The following KIF7 variants were observed in gnomAD, a reference collection of about 807,000 sequenced individuals.
The protein encoded by KIF7 is kinesin-like protein KIF7.
KIF7 carries 104 observed loss-of-function variants against 135.7 expected under a neutral mutation model. That is an observed-to-expected ratio of 0.77 (90% CI 0.65 to 0.90). KIF7 has a LOEUF of 0.90. Ranked by LOEUF, KIF7 falls within the 40% of genes least tolerant of loss-of-function variation. KIF7 has a pLI of 0.00. For missense variants in KIF7, 2,005 were observed against 1,839.1 expected (o/e 1.09, Z -1.65); for synonymous variants, 883 against 809.4 (o/e 1.09, Z -1.54).
chr15:89,645,632 C>A (rs1489635137), intron 8 of KIF7, among the ~76,000 whole-genome samples, 181 bp from the exon 9 acceptor site: 1 of 152,162 alleles, frequency 6.6e-6, no homozygotes, highest in Non-Finnish European at 1.5e-5. Flanking sequence ...AGGTACAGGG[C>A]AGCTGGGGGC....
At chr15:89,624,503 GTC>G, downstream of KIF7, 1 of 1,614,122 alleles carries the variant, frequency 6.2e-7, no homozygotes, top group Non-Finnish European at 8.5e-7. Context: ...ATCGTGGAGT[GTC>G]AGCCTGATGC....
Position 89,629,054 on chromosome 15 carries a change from C to T in KIF7, c.3586G>A (p.Glu1196Lys). 6.2e-7 allele frequency: 1 copy of T among 1,613,474 alleles called. No individual in the cohort carries two copies. Among genetic ancestry groups the T allele is most frequent in the Non-Finnish European group, 8.5e-7 (1 of 1,179,936 alleles). Reference protein sequence around the residue: ...YEARIQALEKELGRYMWINQE... With the variant: ...YEARIQALEKKLGRYMWINQE... ...TTTATCCACATGTAACGGCCCAGTTCCTTCTCCAGAGCTTGAATCCGGGCC... is the reference window on the plus strand; with the variant it reads ...TTTATCCACATGTAACGGCCCAGTTTCTTCTCCAGAGCTTGAATCCGGGCC... The change falls in exon 18 of 19, where the codon GAA (glutamate) becomes AAA (lysine). Residue 1196 changes from glutamate to lysine, a missense_variant. Transcript: ENST00000394412.
intron 2 of KIF7, among the ~76,000 whole-genome samples, chr15:89,651,976 C>G (rs1213473924): frequency 6.6e-6 from 1 of 152,138 alleles, no homozygotes; most frequent in Non-Finnish European, 1.5e-5. Context: ...TCTGCTGGTG[C>G]CTTCATCTTA....
At chr15:89,620,486 G>C (rs2350679) in intron 1 of KIF7, among the ~76,000 whole-genome samples, 1,624 of 152,264 alleles carry the variant, frequency 0.011, 38 homozygotes, top group African/African-American at 0.038. Flanking sequence ...GGGATTACAA[G>C]TGTGAGCCAC....
intron 1 of KIF7, 108 bp from the exon 2 acceptor site, chr15:89,653,062 T>A (rs1163908412): frequency 1.3e-5 from 12 of 904,110 alleles, no homozygotes; most frequent in Non-Finnish European, 1.9e-5. Flanking sequence ...CTTGGAGGGA[T>A]TGGGGGAGGG....
chr15:89,628,717 G>A lies in KIF7; in HGVS notation c.3734C>T (p.Ala1245Val), dbSNP rs1486955587. 2 of 1,612,956 alleles carry A rather than the reference G, an allele frequency of 1.2e-6. No individual in the cohort carries two copies. The highest frequency in any genetic ancestry group is 8.5e-7 in the Non-Finnish European group (1 of 1,179,886). The change falls in exon 19 of 19, where the codon GCA (alanine) becomes GTA (valine). Residue 1245 changes from alanine (A) to valine (V), a missense_variant. Coordinates refer to ENST00000394412, the MANE Select transcript of KIF7 (RefSeq NM_198525.3). ...APGNEDELHL[A>V]PELLWLSPLT... ...GGGGGACAGCCAGAGAAGCTCGGGT[G>A]CCAGGTGGAGCTCATCTTCATTTCC...
Position 89,633,677 on chromosome 15 carries a change from G to A in KIF7, c.2592+9C>T, listed in dbSNP as rs933104100. The A allele has an allele frequency of 4.4e-5, 70 of 1,605,786 alleles. No homozygotes were observed. Among genetic ancestry groups the A allele is most frequent in the Admixed American group, 1.8e-4 (11 of 59,922 alleles). On this transcript the variant is annotated intron_variant, in intron 12 of 18. Transcript: ENST00000394412. ...GGACAGAAGGTCCCCACCCTGCCGT[G>A]AGCCTGACCTTGACGCGGTGCTGCC...
chr15:89,635,667 T>C (rs1436379122), intron 11 of KIF7, among the ~76,000 whole-genome samples: 2 of 152,230 alleles, frequency 1.3e-5, no homozygotes, highest in South Asian at 2.1e-4. Context: ...CCAAGAAATA[T>C]GGGACTATGT....
At chr15:89,627,307 T>C (rs531958056), downstream of KIF7, 54 of 572,944 alleles carry the variant, frequency 9.4e-5, 1 homozygote, top group Non-Finnish European at 1.5e-4. Context: ...GGCAATGTGA[T>C]TGGTGCTATA....
chr15:89,653,753 AGT>A (rs1298065603), intron 1 of KIF7, among the ~76,000 whole-genome samples: 1 of 23,244 alleles, frequency 4.3e-5, no homozygotes, highest in Non-Finnish European at 1.3e-4. Context: ...TATTAGTATT[AGT>A]ATTAGTATTA....
chr15:89,625,172 A>T (rs1163361008), downstream of KIF7: 3 of 1,613,452 alleles, frequency 1.9e-6, no homozygotes, highest in Non-Finnish European at 2.5e-6. Flanking sequence ...GAACCCACCT[A>T]TGTGTCACCC....
intron 1 of KIF7, chr15:89,621,607 G>A: frequency 1.4e-6 from 2 of 1,452,004 alleles, no homozygotes; most frequent in Non-Finnish European, 1.9e-6. Context: ...CAGAGACATG[G>A]CCAAGGAACT....
At chr15:89,641,528 G>C (rs904973166) in intron 11 of KIF7, among the ~76,000 whole-genome samples, 3 of 152,340 alleles carry the variant, frequency 2.0e-5, no homozygotes, top group South Asian at 2.1e-4. Context: ...CCAGCTAGGC[G>C]TGGTGGCTCA....
rs767880526 is a variant in KIF7 at position 89,649,126 on chromosome 15, C to T, written c.771G>A (p.Glu257=). ...CGGTGCTGCCCGTCTTGAGCACCCT[C>T]TCTGAGCCCGCCAGGTCCACGAAGT... ...KFHFVDLAGS[E]RVLKTGSTGE... is the part of the protein sequence containing the mutation. Residue 257 remains glutamate (E), a synonymous_variant, in exon 4 of 19, where the codon GAG becomes GAA. Transcript: ENST00000394412. 6.5e-7 allele frequency: 1 copy of T among 1,547,936 alleles called. No individual in the cohort carries two copies.
At position 89,633,996 on chromosome 15, in the gene KIF7, T is replaced by A. The variant is rs79441424; in HGVS notation, c.2395-113A>T. 6.3e-6 allele frequency: 7 copies of A among 1,103,946 alleles called. No individual in the cohort carries two copies. In the Admixed American group the frequency reaches 1.2e-4, roughly 20 times the overall value. The allele number at this position is 1,103,946 out of a possible 1,614,324, so 68.4% of individuals were successfully genotyped here. On this transcript the variant is annotated intron_variant, in intron 11 of 18. Coordinates refer to ENST00000394412, the MANE Select transcript of KIF7 (RefSeq NM_198525.3). ...AGAGGGCAAATGGGTAGGTGGGTGA[T>A]AGACCAATAATAATAACAGAGGCCG...
Position 89,633,646 on chromosome 15 carries a change from T to C in KIF7, c.2592+40A>G, listed in dbSNP as rs1490915262. 2.5e-6 allele frequency: 4 copies of C among 1,596,208 alleles called. No individual in the cohort carries two copies. The Admixed American group carries it at 5.1e-5, about 20-fold the overall frequency. On this transcript the variant is annotated intron_variant, in intron 12 of 18. Transcript: ENST00000394412. ...TGGCTGGGCCGCCAGCTCAGCCTAT[T>C]GGCCTGGACAGAAGGTCCCCACCCT...
upstream of KIF7, among the ~76,000 whole-genome samples, chr15:89,659,799 G>C (rs891339500): frequency 2.0e-5 from 3 of 152,178 alleles, no homozygotes; most frequent in Non-Finnish European, 4.4e-5. Flanking sequence ...TCAATATCTA[G>C]TTAATGATAC....
intron 15 of KIF7, 98 bp downstream of exon 15, chr15:89,631,397 G>T: frequency 1.4e-5 from 16 of 1,130,620 alleles, no homozygotes; most frequent in Non-Finnish European, 2.0e-5. Context: ...CCGACAGCAA[G>T]GCCCAGCACC....
At chr15:89,618,908 A>G (rs925824255) in intron 1 of KIF7, among the ~76,000 whole-genome samples, 1 of 152,204 alleles carries the variant, frequency 6.6e-6, no homozygotes, top group African/African-American at 2.4e-5. Flanking sequence ...GCAGTGAGCT[A>G]TGATCGTGCC....
Sources: gnomAD v4.1 joint callset for allele counts (sites outside exome capture counted in the v4.1 genomes callset) on GRCh38, gnomAD v4.1.1 for gene constraint, MANE v1.5 for transcripts, NCBI Gene and HGNC (gene_info 2026-07-23, HGNC 2026-07-21) for gene names.